The following NEDD4L variants were observed in gnomAD, a reference collection of about 807,000 sequenced individuals.
NEDD4L encodes E3 ubiquitin-protein ligase NEDD4-like.
A neutral mutation model predicts 148.9 loss-of-function variants in NEDD4L; 54 were observed. The ratio of observed to expected loss-of-function variants is 0.36; its 90% CI spans 0.29 to 0.45. The LOEUF (loss-of-function observed/expected upper bound fraction) is 0.45. NEDD4L is among the 20% of genes least tolerant of loss of function. NEDD4L has a pLI of 1.00. For missense variants in NEDD4L, 856 were observed against 1,233.8 expected (o/e 0.69, Z 4.59); for synonymous variants, 433 against 440.7 (o/e 0.98, Z 0.22).
chr18:58,264,379 G>A (rs1225149545), intron 5 of NEDD4L, among the ~76,000 whole-genome samples: 1 of 152,054 alleles, frequency 6.6e-6, no homozygotes, highest in Non-Finnish European at 1.5e-5. Flanking sequence ...GTATGCAGGG[G>A]TCATTTTTAA....
chr18:58,066,190 C>A (rs1181363746), intron 1 of NEDD4L, among the ~76,000 whole-genome samples: 1 of 152,140 alleles, frequency 6.6e-6, no homozygotes, highest in African/African-American at 2.4e-5. Context: ...CATCTCATGA[C>A]ATGTTTTGGG....
At chr18:58,186,265 T>C (rs1315785104) in intron 2 of NEDD4L, among the ~76,000 whole-genome samples, 1 of 152,194 alleles carries the variant, frequency 6.6e-6, no homozygotes, top group Non-Finnish European at 1.5e-5. Context: ...CCTCTGCAGG[T>C]TTTATTCTCA....
chr18:58,350,950 A>G, intron 17 of NEDD4L, 41 bp from the exon 18 acceptor site: 2 of 1,495,128 alleles, frequency 1.3e-6, no homozygotes, highest in Non-Finnish European at 1.8e-6. Context: ...CTCCTAGCTA[A>G]TGTTTATATT....
chr18:58,073,220 T>C (rs891104771), intron 1 of NEDD4L, among the ~76,000 whole-genome samples: 2 of 152,132 alleles, frequency 1.3e-5, no homozygotes, highest in African/African-American at 4.8e-5. Context: ...CAGCTGGCTT[T>C]TTTTTTTCTC....
chr18:58,335,763 C>A (rs2041668281), intron 13 of NEDD4L: 1 of 446,590 alleles, frequency 2.2e-6, no homozygotes, highest in African/African-American at 2.0e-5. Flanking sequence ...GGAATACTAT[C>A]AGGCTTTGGT....
chr18:58,251,113 C>T (rs547926372), intron 4 of NEDD4L, among the ~76,000 whole-genome samples: 1 of 152,122 alleles, frequency 6.6e-6, no homozygotes, highest in Non-Finnish European at 1.5e-5. Context: ...CTTCACTGAA[C>T]CTCAGGGTCT....
At chr18:58,174,823 G>T (rs556063206) in intron 2 of NEDD4L, among the ~76,000 whole-genome samples, 2 of 152,160 alleles carry the variant, frequency 1.3e-5, no homozygotes, top group South Asian at 4.2e-4. Flanking sequence ...CGAGGGGAGG[G>T]GCTGTTTTGG....
At chr18:58,233,968 G>A (rs994021661) in intron 2 of NEDD4L, among the ~76,000 whole-genome samples, 1 of 151,938 alleles carries the variant, frequency 6.6e-6, no homozygotes, top group African/African-American at 2.4e-5. Flanking sequence ...GTTTGTTTCT[G>A]TGTCTACCTT....
At chr18:58,388,828 T>C (rs957428710) in intron 27 of NEDD4L, 6 of 492,232 alleles carry the variant, frequency 1.2e-5, no homozygotes, top group African/African-American at 1.2e-4. Flanking sequence ...AGGACGACTG[T>C]GGCATTTTTA....
At chr18:58,106,426 C>CA (rs1381290337) in intron 1 of NEDD4L, among the ~76,000 whole-genome samples, 1 of 152,212 alleles carries the variant, frequency 6.6e-6, no homozygotes, top group Non-Finnish European at 1.5e-5. Context: ...GGGGAGCTTA[C>CA]AGGCTCCCCC....
intron 1 of NEDD4L, among the ~76,000 whole-genome samples, chr18:58,144,804 C>T (rs2033929559): frequency 6.6e-6 from 1 of 152,204 alleles, no homozygotes; most frequent in Non-Finnish European, 1.5e-5. Flanking sequence ...GGCAGGTGTG[C>T]CTTGCTACTG....
At chr18:58,255,916 G>A (rs1600300649) in intron 5 of NEDD4L, 1 of 1,231,838 alleles carries the variant, frequency 8.1e-7, no homozygotes. Flanking sequence ...CCTCCGTGCA[G>A]ATCTCCCTGC....
intron 2 of NEDD4L, chr18:58,195,522 G>A (rs2040567294): frequency 7.4e-7 from 1 of 1,343,308 alleles, no homozygotes; most frequent in Admixed American, 1.9e-5. Flanking sequence ...GGCCCTACCT[G>A]GGCGGGAGCG....
chr18:58,217,514 C>A (rs2043276470), intron 2 of NEDD4L, among the ~76,000 whole-genome samples: 1 of 152,110 alleles, frequency 6.6e-6, no homozygotes, highest in African/African-American at 2.4e-5. Context: ...CGCTCTGTCA[C>A]CCACGAGTGT....
chr18:58,315,356 C>A (rs1162643958), intron 5 of NEDD4L, among the ~76,000 whole-genome samples: 1 of 151,788 alleles, frequency 6.6e-6, no homozygotes, highest in African/African-American at 2.4e-5. Context: ...TCTTTGAAGT[C>A]GGGAGAGATA....
intron 24 of NEDD4L, among the ~76,000 whole-genome samples, chr18:58,382,670 G>C (rs910166072): frequency 1.3e-4 from 20 of 152,162 alleles, no homozygotes; most frequent in African/African-American, 4.8e-4. Context: ...CATGATCATG[G>C]GTGGTGCTAA....
chr18:58,387,615 T>C (rs978497190), intron 27 of NEDD4L, 117 bp downstream of exon 27: 4 of 1,134,032 alleles, frequency 3.5e-6, no homozygotes, highest in African/African-American at 1.6e-5. Flanking sequence ...TAACTTTAGA[T>C]GAATTATATT....
chr18:58,253,800 T>C (rs1218298777), intron 5 of NEDD4L, among the ~76,000 whole-genome samples: 1 of 152,188 alleles, frequency 6.6e-6, no homozygotes, highest in East Asian at 1.9e-4. Context: ...ATAATGACTG[T>C]AGTTGAGGTG....
intron 5 of NEDD4L, among the ~76,000 whole-genome samples, chr18:58,299,246 G>C (rs957114003): frequency 9.2e-5 from 14 of 152,226 alleles, no homozygotes; most frequent in Non-Finnish European, 1.9e-4. Flanking sequence ...GATTTGAGAA[G>C]GTGCCACATC....
Sources: allele counts gnomAD v4.1 joint callset (sites outside exome capture counted in the v4.1 genomes callset), GRCh38; gene constraint gnomAD v4.1.1; transcripts MANE v1.5; gene names NCBI Gene and HGNC (gene_info 2026-07-23, HGNC 2026-07-21).